ZBTB7C: variants seen among roughly 807,000 people sequenced by gnomAD.
ZBTB7C encodes the protein zinc finger and BTB domain containing 7C.
A neutral mutation model predicts 25.7 loss-of-function variants in ZBTB7C; 8 were observed. The observed-to-expected ratio is 0.31, with a 90% CI of 0.18 to 0.56. The LOEUF is 0.56. Among genes scored for constraint, ZBTB7C ranks in the 20% least tolerant of loss-of-function variants. The pLI is 0.91. For synonymous variants in ZBTB7C, 394 were observed against 369.0 expected (o/e 1.07, Z -0.78); for missense variants, 824 against 855.2 (o/e 0.96, Z 0.46).
intron 2 of ZBTB7C, among the ~76,000 whole-genome samples, chr18:48,304,136 C>T (rs1423543215): frequency 6.6e-6 from 1 of 152,194 alleles, no homozygotes; most frequent in Non-Finnish European, 1.5e-5. Context: ...ACTCCATGGC[C>T]TCTCTATGTG....
In ZBTB7C at chr18:48,029,501, C is replaced by T. The variant is rs763029631; in HGVS notation, c.1619G>A (p.Gly540Asp). 1 of 1,591,002 alleles carries T rather than the reference C, an allele frequency of 6.3e-7. No homozygotes were observed. Residue 540 changes from glycine (G) to aspartate (D), a missense_variant, in exon 5 of 5, where the codon GGC becomes GAC. Coordinates refer to ENST00000590800, the MANE Select transcript of ZBTB7C (RefSeq NM_001318841.2). The part of the protein sequence containing the change: ...PAKHFLAAPK[G>D]ALSLQELERQ... The stretch of plus-strand genomic sequence containing the variant: ...CTCCAGCTCTTGCAGGCTCAGGGCG[C>T]CCTTGGGCGCTGCCAGGAAGTGCTT...
chr18:48,192,188 G>A (rs2042213781), intron 2 of ZBTB7C, among the ~76,000 whole-genome samples: 1 of 152,172 alleles, frequency 6.6e-6, no homozygotes, highest in African/African-American at 2.4e-5. Context: ...AAACATGAAA[G>A]CAGGTGAAAG....
intron 3 of ZBTB7C, among the ~76,000 whole-genome samples, chr18:48,097,722 G>C (rs919119123): frequency 2.6e-5 from 4 of 152,280 alleles, no homozygotes; most frequent in African/African-American, 9.6e-5. Flanking sequence ...TGAGGACCTA[G>C]TTGGTTGCCC....
intron 3 of ZBTB7C, among the ~76,000 whole-genome samples, chr18:48,114,825 A>T (rs2039373113): frequency 6.6e-6 from 1 of 152,234 alleles, no homozygotes; most frequent in Admixed American, 6.5e-5. Context: ...CAAGCTGCAG[A>T]AGAGTGAACC....
intron 1 of ZBTB7C, among the ~76,000 whole-genome samples, chr18:48,349,980 T>C (rs1399129463): frequency 2.0e-5 from 3 of 152,258 alleles, no homozygotes; most frequent in African/African-American, 7.2e-5. Context: ...ATTGACAGTC[T>C]GCTGCACTGC....
intron 3 of ZBTB7C, among the ~76,000 whole-genome samples, chr18:48,079,360 T>G (rs1055761223): frequency 1.3e-5 from 2 of 152,200 alleles, no homozygotes; most frequent in Admixed American, 6.5e-5. Flanking sequence ...ATAAGTGAAA[T>G]AAAACATTTG....
At chr18:48,378,733 T>A (rs1192631649) in intron 1 of ZBTB7C, among the ~76,000 whole-genome samples, 1 of 151,892 alleles carries the variant, frequency 6.6e-6, no homozygotes, top group African/African-American at 2.4e-5. Context: ...ACAGACAATA[T>A]GCAATCATAA....
chr18:48,055,914 C>T lies in ZBTB7C; in HGVS notation c.-16-14791G>A, dbSNP rs116280302. The stretch of plus-strand genomic sequence containing the variant: ...CCTGGACTGAGGAAACCTGGCAGAT[C>T]CGCTGCTGAGCTAGGACGGGCTCAG... On this transcript the variant is annotated intron_variant, in intron 3 of 4. Transcript: ENST00000590800. Among the ~76,000 whole-genome samples the T allele has an allele frequency of 2.0e-3, 302 of 152,314 alleles. 1 individual carries two copies. The highest frequency in any genetic ancestry group is 6.0e-3 in the African/African-American group (248 of 41,566).
intron 3 of ZBTB7C, among the ~76,000 whole-genome samples, chr18:48,113,827 G>A (rs1490017000): frequency 6.6e-6 from 1 of 152,140 alleles, no homozygotes; most frequent in Non-Finnish European, 1.5e-5. Context: ...CCATCGGCAG[G>A]GTGCACTCCA....
intron 1 of ZBTB7C, among the ~76,000 whole-genome samples, chr18:48,385,302 A>G (rs1418585525): frequency 6.6e-6 from 1 of 152,174 alleles, no homozygotes; most frequent in African/African-American, 2.4e-5. Context: ...GGCCAAAAGT[A>G]TTTTTATAGG....
At chr18:48,193,311 G>A (rs996070918) in intron 2 of ZBTB7C, among the ~76,000 whole-genome samples, 3 of 152,170 alleles carry the variant, frequency 2.0e-5, no homozygotes, top group Non-Finnish European at 4.4e-5. Flanking sequence ...CTTCCAGAGG[G>A]AAGGTCTATA....
At chr18:48,367,202 TACACACACACACAC>T (rs1180190109) in intron 1 of ZBTB7C, among the ~76,000 whole-genome samples, 68 of 63,268 alleles carry the variant, frequency 1.1e-3, no homozygotes, top group South Asian at 2.7e-3. Context: ...TATATATATA[TACACACACACACAC>T]ACACACACAC....
chr18:48,370,281 C>T (rs944352222), intron 1 of ZBTB7C, among the ~76,000 whole-genome samples: 1 of 152,132 alleles, frequency 6.6e-6, no homozygotes, highest in Non-Finnish European at 1.5e-5. Context: ...CCAGACGAAT[C>T]TTCAGGGAAT....
chr18:48,361,340 C>T lies in ZBTB7C; in HGVS notation c.-303-22942G>A, dbSNP rs149117286. 3.3e-5 allele frequency among the ~76,000 whole-genome samples: 5 copies of T among 152,276 alleles called. No homozygotes were observed. In the East Asian group the frequency reaches 5.8e-4, roughly 18 times the overall value. ...GGCACTAATATTCCAGTTTGACAGACGAGGAAGCTGAGTTCAGAGAGGGTA... is the reference window on the plus strand; with the variant it reads ...GGCACTAATATTCCAGTTTGACAGATGAGGAAGCTGAGTTCAGAGAGGGTA... On this transcript the variant is annotated intron_variant, in intron 1 of 4. Transcript: ENST00000590800.
intron 2 of ZBTB7C, among the ~76,000 whole-genome samples, chr18:48,228,499 CA>C (rs2043163317): frequency 6.6e-6 from 1 of 152,092 alleles, no homozygotes; most frequent in African/African-American, 2.4e-5. Flanking sequence ...CTCTGTCTCT[CA>C]CCCCTGCATC....
intron 3 of ZBTB7C, among the ~76,000 whole-genome samples, chr18:48,047,149 G>A (rs1178065873): frequency 2.6e-5 from 4 of 152,138 alleles, no homozygotes; most frequent in African/African-American, 9.7e-5. Context: ...GGGAAGAAGT[G>A]TCCCCACCCT....
intron 3 of ZBTB7C, among the ~76,000 whole-genome samples, chr18:48,172,573 C>T (rs1034438374): frequency 2.0e-5 from 3 of 152,242 alleles, no homozygotes; most frequent in African/African-American, 7.2e-5. Context: ...ACGCACCCGC[C>T]ACATCGTTGC....
chr18:48,372,448 G>C (rs374157564), intron 1 of ZBTB7C, among the ~76,000 whole-genome samples: 27 of 152,296 alleles, frequency 1.8e-4, no homozygotes, highest in African/African-American at 6.5e-4. Context: ...CTTCCGCGCT[G>C]AGGGAGTTAA....
intron 1 of ZBTB7C, among the ~76,000 whole-genome samples, chr18:48,366,117 A>G (rs540535659): frequency 8.5e-5 from 13 of 152,364 alleles, no homozygotes; most frequent in Non-Finnish European, 1.5e-4. Context: ...GATTACCTCA[A>G]TGCAGCCTAC....
Sources: gnomAD v4.1 joint callset for allele counts (sites outside exome capture counted in the v4.1 genomes callset) on GRCh38, gnomAD v4.1.1 for gene constraint, MANE v1.5 for transcripts, NCBI Gene and HGNC (gene_info 2026-07-23, HGNC 2026-07-21) for gene names.